The following RTN3 variants were observed in gnomAD, a reference collection of about 807,000 sequenced individuals.
RTN3 encodes reticulon-3.
Under a neutral mutation model 77.8 loss-of-function variants are expected in RTN3, and 49 were observed. The ratio of observed to expected loss-of-function variants is 0.63; its 90% CI spans 0.50 to 0.80. The LOEUF (loss-of-function observed/expected upper bound fraction) is 0.80, where lower values mean the gene tolerates loss of function less well. Among genes scored for constraint, RTN3 ranks in the 30% least tolerant of loss-of-function variants. The probability of loss-of-function intolerance (pLI) is 0.00; values close to 1 mark genes in which losing one functional copy is unlikely to be tolerated. For synonymous variants in RTN3, 464 were observed against 446.9 expected, an observed-to-expected ratio of 1.04 and a Z score of -0.48; for missense variants, 1,236 against 1,211.9, an observed-to-expected ratio of 1.02 and a Z score of -0.29.
At chr11:63,727,308 A>G (rs2012353552) in intron 3 of RTN3, among the ~76,000 whole-genome samples, 1 of 152,246 alleles carries the variant, frequency 6.6e-6, no homozygotes, top group African/African-American at 2.4e-5. Flanking sequence ...TTAAGAACCA[A>G]GAAATTATAA....
intron 3 of RTN3, chr11:63,747,077 GGC>G (rs2013841157): frequency 4.5e-6 from 2 of 445,516 alleles, no homozygotes; most frequent in African/African-American, 4.0e-5. Context: ...GAAGACTATA[GGC>G]CAGTTGTTTT....
chr11:63,695,793 A>G (rs1463166730), intron 1 of RTN3, among the ~76,000 whole-genome samples: 1 of 152,218 alleles, frequency 6.6e-6, no homozygotes, highest in Non-Finnish European at 1.5e-5. Context: ...AAGGCTAAGG[A>G]GACATGATGA....
intron 7 of RTN3, among the ~76,000 whole-genome samples, chr11:63,755,253 A>C (rs2014314371): frequency 6.6e-6 from 1 of 152,198 alleles, no homozygotes; most frequent in African/African-American, 2.4e-5. Flanking sequence ...ATACTTACCA[A>C]GTAAGACTTA....
chr11:63,706,860 C>T lies in RTN3; in HGVS notation c.199+1953C>T, dbSNP rs781427225. Among the ~76,000 whole-genome samples the T allele has an allele frequency of 1.2e-4, 18 of 150,936 alleles. 2 individuals carry two copies. The South Asian group carries it at 3.3e-3, about 28-fold the overall frequency. On this transcript the variant is annotated intron_variant, in intron 2 of 8. Transcript: ENST00000377819. ...TAAGTATTTCAGATCTTTAAGAATACGTTCTAACCTTAAGTCACTATTTTT... is the reference window on the plus strand; with the variant it reads ...TAAGTATTTCAGATCTTTAAGAATATGTTCTAACCTTAAGTCACTATTTTT...
intron 3 of RTN3, among the ~76,000 whole-genome samples, chr11:63,728,110 C>T (rs570514509): frequency 4.7e-4 from 72 of 152,202 alleles, no homozygotes; most frequent in African/African-American, 1.5e-3. Flanking sequence ...AAAAGACACA[C>T]GGGATAAAAT....
At chr11:63,731,745 C>T (rs1184629579) in intron 3 of RTN3, among the ~76,000 whole-genome samples, 2 of 152,170 alleles carry the variant, frequency 1.3e-5, no homozygotes, top group Non-Finnish European at 2.9e-5. Flanking sequence ...CTCTGCCTCC[C>T]GGGTTCAAAC....
intron 2 of RTN3, 117 bp downstream of exon 2, chr11:63,705,024 A>G: frequency 1.3e-6 from 1 of 797,540 alleles, no homozygotes; most frequent in Non-Finnish European, 2.2e-6. Context: ...AATAAAAACT[A>G]ATTACAAGCT....
intron 3 of RTN3, among the ~76,000 whole-genome samples, chr11:63,725,258 G>A (rs1182401015): frequency 2.0e-5 from 3 of 151,900 alleles, no homozygotes; most frequent in South Asian, 2.1e-4. Context: ...GTTGTATAAC[G>A]TTTTCCATTC....
chr11:63,683,716 C>T (rs1407250094), intron 1 of RTN3, among the ~76,000 whole-genome samples: 2 of 151,934 alleles, frequency 1.3e-5, no homozygotes, highest in East Asian at 1.9e-4. Context: ...TTTGGCTTAC[C>T]TTTTTTTATG....
rs552476256 is a variant in RTN3, at chr11:63,720,345, G to T, written c.1843G>T (p.Val615Leu). The change falls in exon 3 of 9, where the codon GTG becomes TTG. Residue 615 changes from valine to leucine, a missense_variant. This residue lies in a region of RTN3 where 1,056 missense variants were observed against 990.4 expected (regional missense o/e 1.07). Transcript: ENST00000377819. ...TGAGAACCCCAAACTTCCTTCAACA[G>T]TGTCTCCAAATGTTTTTAATGAGAC... Reference protein sequence around the residue: ...TTENPKLPSTVSPNVFNETEF... With the variant: ...TTENPKLPSTLSPNVFNETEF... 9 of 1,614,054 alleles carry T rather than the reference G, an allele frequency of 5.6e-6. No homozygotes were observed. In the African/African-American group the frequency reaches 1.1e-4, roughly 19 times the overall value.
intron 3 of RTN3, among the ~76,000 whole-genome samples, chr11:63,738,648 AAG>A (rs1491151514): frequency 6.6e-6 from 1 of 150,664 alleles, no homozygotes; most frequent in Non-Finnish European, 1.5e-5. Context: ...AAAAAAAAAA[AAG>A]AAGGTAAAGC....
intron 2 of RTN3, among the ~76,000 whole-genome samples, chr11:63,717,379 T>TG (rs1377252108): frequency 2.6e-4 from 28 of 109,230 alleles, no homozygotes; most frequent in Admixed American, 2.5e-4. Context: ...CTCTGTCTTT[T>TG]TTTTTTTTTT....
intron 1 of RTN3, among the ~76,000 whole-genome samples, chr11:63,702,197 TTTTG>T (rs1224154934): frequency 1.3e-5 from 2 of 152,194 alleles, no homozygotes; most frequent in Middle Eastern, 3.4e-3. Context: ...TTTTGGAGGG[TTTTG>T]TTTTTCACAT....
intron 2 of RTN3, among the ~76,000 whole-genome samples, chr11:63,709,111 C>G (rs1322023092): frequency 6.6e-6 from 1 of 152,140 alleles, no homozygotes; most frequent in East Asian, 1.9e-4. Context: ...AAGCCGTGGT[C>G]ATAACTGCTG....
Position 63,720,274 on chromosome 11 carries a change from C to G in RTN3, c.1772C>G (p.Ser591Cys). 6.2e-7 allele frequency: 1 copy of G among 1,613,640 alleles called. No homozygotes were observed. The highest frequency in any genetic ancestry group is 8.5e-7 in the Non-Finnish European group (1 of 1,179,854). The stretch of plus-strand genomic sequence containing the variant: ...TCAAAAGTACCCGATACGAATGTCT[C>G]CTTAGAAGATGTGAGTGAAGTTGCT... ...ACSKVPDTNVSLEDVSEVAPE... is the reference protein window; with the variant it reads ...ACSKVPDTNVCLEDVSEVAPE... The change falls in exon 3 of 9, where the codon TCC becomes TGC. Residue 591 changes from serine to cysteine, a missense_variant. Around this residue, in one of 3 missense-constraint regions of RTN3, gnomAD observed 1,056 missense variants for 990.4 expected, o/e 1.07. Coordinates refer to ENST00000377819, the MANE Select transcript of RTN3 (RefSeq NM_001265589.2).
chr11:63,700,193 A>C (rs1294083347), intron 1 of RTN3, among the ~76,000 whole-genome samples: 3 of 151,990 alleles, frequency 2.0e-5, no homozygotes, highest in Non-Finnish European at 4.4e-5. Flanking sequence ...ATTTAAACGC[A>C]TCATTGGCAG....
intron 1 of RTN3, among the ~76,000 whole-genome samples, chr11:63,701,767 G>A (rs1026915669): frequency 2.6e-5 from 4 of 151,940 alleles, no homozygotes; most frequent in Admixed American, 2.0e-4. Flanking sequence ...GCAACATGGC[G>A]ACACCTGTCT....
chr11:63,731,305 C>T (rs1180704486), intron 3 of RTN3, among the ~76,000 whole-genome samples: 1 of 152,136 alleles, frequency 6.6e-6, no homozygotes, highest in Non-Finnish European at 1.5e-5. Flanking sequence ...GTCTCGAACT[C>T]CCAACCTCAA....
intron 1 of RTN3, among the ~76,000 whole-genome samples, chr11:63,685,315 T>C (rs1466860627): frequency 6.6e-6 from 1 of 151,336 alleles, no homozygotes; most frequent in African/African-American, 2.4e-5. Flanking sequence ...AACAACATGG[T>C]GGAACCCTGT....
Sources: gnomAD v4.1 joint callset for allele counts (sites outside exome capture counted in the v4.1 genomes callset) on GRCh38, gnomAD v4.1.1 for gene constraint, gnomAD v4.1.1 regional missense constraint, MANE v1.5 for transcripts, NCBI Gene and HGNC (gene_info 2026-07-23, HGNC 2026-07-21) for gene names.